The following FUT9 variants were observed in gnomAD, a reference collection of about 807,000 sequenced individuals.
FUT9 encodes the protein 4-galactosyl-N-acetylglucosaminide 3-alpha-L-fucosyltransferase 9.
A neutral mutation model predicts 29.7 loss-of-function variants in FUT9; 15 were observed. The observed-to-expected ratio is 0.51, with a 90% CI of 0.34 to 0.78. FUT9 has a LOEUF of 0.78. Ranked by LOEUF, FUT9 falls within the 30% of genes least tolerant of loss-of-function variation. FUT9 has a pLI of 0.01. For missense variants in FUT9, 319 were observed against 425.4 expected, an observed-to-expected ratio of 0.75 and a Z score of 2.20; for synonymous variants, 169 against 153.7, an observed-to-expected ratio of 1.10 and a Z score of -0.74.
At chr6:96,017,689 T>C (rs1770002951) in intron 1 of FUT9, among the ~76,000 whole-genome samples, 1 of 152,078 alleles carries the variant, frequency 6.6e-6, no homozygotes. Context: ...CAGAAATAAA[T>C]GTTAGGAACT....
At chr6:96,143,684 C>T (rs1772508828) in intron 2 of FUT9, among the ~76,000 whole-genome samples, 1 of 151,938 alleles carries the variant, frequency 6.6e-6, no homozygotes, top group Non-Finnish European at 1.5e-5. Flanking sequence ...TGTTTACTAC[C>T]AGTATTTGTC....
At chr6:96,033,092 A>G (rs1269578160) in intron 1 of FUT9, among the ~76,000 whole-genome samples, 2 of 151,652 alleles carry the variant, frequency 1.3e-5, no homozygotes, top group African/African-American at 4.8e-5. Context: ...ATGAGAGTTG[A>G]AATTCTGTAT....
chr6:96,076,083 G>C (rs545723483), intron 1 of FUT9, among the ~76,000 whole-genome samples: 30 of 152,108 alleles, frequency 2.0e-4, no homozygotes, highest in African/African-American at 7.2e-4. Flanking sequence ...ACTCAGGGCA[G>C]TCAGTTTCTC....
At chr6:96,033,043 C>G (rs974789360) in intron 1 of FUT9, among the ~76,000 whole-genome samples, 1 of 151,484 alleles carries the variant, frequency 6.6e-6, no homozygotes, top group Admixed American at 6.6e-5. Flanking sequence ...ACAATCCACG[C>G]TATTAAGAAC....
chr6:96,035,901 TAATATAATAC>T (rs1770353941), intron 1 of FUT9, among the ~76,000 whole-genome samples: 1 of 94,764 alleles, frequency 1.1e-5, no homozygotes, highest in Non-Finnish European at 2.2e-5. Context: ...TATATTAATA[TAATATAATAC>T]ATTATGTTTA....
chr6:96,158,892 T>C (rs1296970151), intron 2 of FUT9, among the ~76,000 whole-genome samples: 1 of 152,130 alleles, frequency 6.6e-6, no homozygotes, highest in Non-Finnish European at 1.5e-5. Context: ...TGCGTCCGTG[T>C]TGTTGATGGG....
At chr6:96,142,113 A>G (rs1417849147) in intron 2 of FUT9, among the ~76,000 whole-genome samples, 1 of 152,194 alleles carries the variant, frequency 6.6e-6, no homozygotes, top group African/African-American at 2.4e-5. Context: ...CAATTCTTTT[A>G]AAACCTAATA....
chr6:96,095,029 C>G (rs1298426954), intron 1 of FUT9, among the ~76,000 whole-genome samples: 13 of 152,066 alleles, frequency 8.5e-5, no homozygotes, highest in Admixed American at 8.5e-4. Flanking sequence ...TCTGCTCAGG[C>G]TCTTCTTTTG....
At chr6:96,044,045 C>G (rs78652169) in intron 1 of FUT9, among the ~76,000 whole-genome samples, 4,647 of 152,184 alleles carry the variant, frequency 0.031, 93 homozygotes, top group East Asian at 0.081. Context: ...GTAACAGTAA[C>G]TGTATTTACA....
intron 1 of FUT9, among the ~76,000 whole-genome samples, chr6:96,098,674 A>G (rs1562123837): frequency 6.6e-6 from 1 of 152,148 alleles, no homozygotes; most frequent in Non-Finnish European, 1.5e-5. Context: ...TTTAAGAATA[A>G]TAGAAGCCAG....
intron 1 of FUT9, among the ~76,000 whole-genome samples, chr6:96,064,910 A>G (rs1464416661): frequency 6.6e-6 from 1 of 152,212 alleles, no homozygotes; most frequent in South Asian, 2.1e-4. Context: ...ATGTGTATGA[A>G]GAAATATTGT....
intron 2 of FUT9, among the ~76,000 whole-genome samples, chr6:96,162,859 T>G (rs1772938998): frequency 6.6e-6 from 1 of 152,204 alleles, no homozygotes; most frequent in Admixed American, 6.5e-5. Flanking sequence ...TAGAGAGGTA[T>G]TCTTTAATCT....
intron 1 of FUT9, among the ~76,000 whole-genome samples, chr6:96,018,250 G>A (rs976404095): frequency 6.6e-6 from 1 of 152,070 alleles, no homozygotes; most frequent in African/African-American, 2.4e-5. Context: ...ATCTGTATCA[G>A]AATCGATACA....
intron 1 of FUT9, among the ~76,000 whole-genome samples, chr6:96,053,806 G>T (rs1044680139): frequency 6.6e-6 from 1 of 152,072 alleles, no homozygotes; most frequent in African/African-American, 2.4e-5. Context: ...TAGCAATTTT[G>T]CAAGGTTCTT....
chr6:96,025,778 T>A (rs574564257), intron 1 of FUT9, among the ~76,000 whole-genome samples: 1 of 151,664 alleles, frequency 6.6e-6, no homozygotes, highest in African/African-American at 2.4e-5. Flanking sequence ...ATTATAAAAA[T>A]CTCTGAAGGG....
chr6:96,128,734 T>C (rs1772177927), intron 2 of FUT9, among the ~76,000 whole-genome samples: 1 of 152,072 alleles, frequency 6.6e-6, no homozygotes, highest in Non-Finnish European at 1.5e-5. Context: ...TGTCCATCAA[T>C]AGGAGAAAAG....
rs1342405628 is a variant in FUT9, at chr6:96,210,921, G to A, written c.*6686G>A. The A allele has an allele frequency of 1.2e-5, 2 of 166,712 alleles. No homozygotes were observed. Among genetic ancestry groups the A allele is most frequent in the Admixed American group, 1.3e-4 (2 of 15,230 alleles). The allele number at this position is 166,712 out of a possible 1,614,324, so 10.3% of individuals were successfully genotyped here. A position where few individuals can be genotyped will look rare whatever the true frequency, so the allele number is the denominator to read the frequency against. On this transcript the variant is annotated 3_prime_UTR_variant, in exon 3 of 3. Coordinates refer to ENST00000302103, the MANE Select transcript of FUT9 (RefSeq NM_006581.4). The stretch of plus-strand genomic sequence containing the variant: ...CAGATTTTGCAGCTGTAAAGCAGAG[G>A]TAGCATATTTCTGAGAAATTATATT...
chr6:96,063,009 G>T (rs879682016), intron 1 of FUT9, among the ~76,000 whole-genome samples: 1 of 152,104 alleles, frequency 6.6e-6, no homozygotes, highest in Non-Finnish European at 1.5e-5. Context: ...CAGGGAATTT[G>T]GTGTAATTTC....
intron 1 of FUT9, among the ~76,000 whole-genome samples, chr6:96,064,850 A>G (rs925802020): frequency 2.0e-5 from 3 of 152,186 alleles, no homozygotes; most frequent in Admixed American, 2.0e-4. Context: ...ATGTCGAAGA[A>G]ATCTGTTGAG....
Sources: gnomAD v4.1 joint callset for allele counts (sites outside exome capture counted in the v4.1 genomes callset) on GRCh38, gnomAD v4.1.1 for gene constraint, MANE v1.5 for transcripts, NCBI Gene and HGNC (gene_info 2026-07-23, HGNC 2026-07-21) for gene names.